Variants in BIRC6 observed in about 807,000 individuals in gnomAD.
The protein encoded by BIRC6 is baculoviral IAP repeat containing 6, also known as dual E2 ubiquitin-conjugating enzyme/E3 ubiquitin-protein ligase BIRC6.
BIRC6 carries 98 observed loss-of-function variants against 503.3 expected under a neutral mutation model. The ratio of observed to expected loss-of-function variants is 0.19; its 90% CI spans 0.17 to 0.23. The LOEUF (loss-of-function observed/expected upper bound fraction) is 0.23, where lower values mean the gene tolerates loss of function less well. BIRC6 is among the 10% of genes least tolerant of loss of function. The pLI is 1.00. For synonymous variants in BIRC6, 2,240 were observed against 2,078.7 expected (o/e 1.08, Z -2.11); for missense variants, 5,360 against 5,806.0 (o/e 0.92, Z 2.50).
At chr2:32,559,938 C>G (rs933122226) in intron 65 of BIRC6, among the ~76,000 whole-genome samples, 6 of 151,326 alleles carry the variant, frequency 4.0e-5, no homozygotes, top group Non-Finnish European at 8.8e-5. Context: ...ATTGCCTGAA[C>G]CCGGGAGGCG....
intron 66 of BIRC6, among the ~76,000 whole-genome samples, 195 bp from the exon 67 acceptor site, chr2:32,593,720 C>A (rs73922762): frequency 6.6e-6 from 1 of 152,106 alleles, no homozygotes; most frequent in Non-Finnish European, 1.5e-5. Context: ...TAATGTCTGT[C>A]TCTTCTCTGA....
intron 5 of BIRC6, among the ~76,000 whole-genome samples, chr2:32,394,866 A>C (rs1346339458): frequency 3.3e-5 from 5 of 151,796 alleles, no homozygotes; most frequent in African/African-American, 4.8e-5. Context: ...AAAAAACAAC[A>C]AGAGGCTGGG....
intron 1 of BIRC6, among the ~76,000 whole-genome samples, chr2:32,367,703 C>T (rs1213716958): frequency 6.6e-6 from 1 of 152,002 alleles, no homozygotes; most frequent in East Asian, 1.9e-4. Context: ...GTAATTCCAG[C>T]TACTCGGGAG....
intron 11 of BIRC6, 39 bp from the exon 12 acceptor site, chr2:32,430,826 T>TG: frequency 1.1e-6 from 1 of 939,276 alleles, no homozygotes; most frequent in Non-Finnish European, 1.6e-6. Flanking sequence ...TTTTTTTTTT[T>TG]CCACACCTAT....
At position 32,471,179 on chromosome 2, in the gene BIRC6, G is replaced by A. The variant is rs138052653; in HGVS notation, c.6592+55G>A. ...ATCAGAAGTTTATAATAATATGTTGGTGGGGATTTTGAGTGACTTCGCAGT... is the reference window on the plus strand; with the variant it reads ...ATCAGAAGTTTATAATAATATGTTGATGGGGATTTTGAGTGACTTCGCAGT... On this transcript the variant is annotated intron_variant, in intron 32 of 73. Coordinates refer to ENST00000421745, the MANE Select transcript of BIRC6 (RefSeq NM_016252.4). 3.2e-4 allele frequency: 497 copies of A among 1,540,204 alleles called. 3 individuals are homozygous for A. In the African/African-American group the frequency reaches 6.1e-3, roughly 19 times the overall value.
Position 32,361,088 on chromosome 2 carries a change from T to A in BIRC6, c.325+3602T>A, listed in dbSNP as rs200779143. ...GGTACACACCACCAGACCTGGCTAA[T>A]TTTTTTTATTTTTATTTTTTATTTT... is the stretch of plus-strand genomic sequence containing the variant. On this transcript the variant is annotated intron_variant, in intron 1 of 73. Coordinates refer to ENST00000421745, the MANE Select transcript of BIRC6 (RefSeq NM_016252.4). Among the ~76,000 whole-genome samples the A allele has an allele frequency of 7.2e-5, 11 of 151,804 alleles. No individual in the cohort carries two copies. In the East Asian group the frequency reaches 1.7e-3, roughly 24 times the overall value.
chr2:32,468,053 C>G lies in BIRC6; in HGVS notation c.5722C>G (p.Pro1908Ala). 6.2e-7 allele frequency: 1 copy of G among 1,613,838 alleles called. No individual in the cohort carries two copies. The highest frequency in any genetic ancestry group is 8.5e-7 in the Non-Finnish European group (1 of 1,179,846). ...LKGEGESANQ[P>A]EIDQHLAMMV... ...GGGAGAGGGAGAATCTGCAAACCAG[C>G]CAGAAATTGACCAGCATTTAGCAAT... is the stretch of plus-strand genomic sequence containing the variant. The change falls in exon 28 of 74, where the codon CCA becomes GCA. Residue 1908 changes from proline (P) to alanine (A), a missense_variant. Around this residue, in one of 16 missense-constraint regions of BIRC6, gnomAD observed 2,299 missense variants for 2,267.2 expected, o/e 1.01. Coordinates refer to ENST00000421745, the MANE Select transcript of BIRC6 (RefSeq NM_016252.4).
chr2:32,538,624 A>T (rs2057421439), intron 61 of BIRC6, among the ~76,000 whole-genome samples: 1 of 152,246 alleles, frequency 6.6e-6, no homozygotes, highest in African/African-American at 2.4e-5. Context: ...TTGATAGAAG[A>T]TCTCATCAAC....
chr2:32,493,765 C>CAAATAA lies in BIRC6; in HGVS notation c.8468+99_8468+104dup. ...CATTTGTTGGGAATTTATCTGTGAA[C>CAAATAA]AAATAAGCAGGAGGACGGTAGTAAT... On this transcript the variant is annotated intron_variant, in intron 45 of 73. Coordinates refer to ENST00000421745, the MANE Select transcript of BIRC6 (RefSeq NM_016252.4). The CAAATAA allele has an allele frequency of 3.0e-6, 3 of 1,008,430 alleles. No homozygotes were observed. The South Asian group carries it at 5.2e-5, about 17-fold the overall frequency. 62.5% of individuals were successfully genotyped at this position (1,008,430 alleles called of 1,614,324 possible). A position where few individuals can be genotyped will look rare whatever the true frequency, so the allele number is the denominator to read the frequency against.
intron 55 of BIRC6, among the ~76,000 whole-genome samples, chr2:32,516,094 GTACT>G (rs1325364873): frequency 6.6e-6 from 1 of 152,224 alleles, no homozygotes; most frequent in Non-Finnish European, 1.5e-5. Flanking sequence ...TGATCACTGA[GTACT>G]GTATGTGCCT....
chr2:32,617,256 C>G (rs2063306479), intron 73 of BIRC6, among the ~76,000 whole-genome samples: 1 of 152,090 alleles, frequency 6.6e-6, no homozygotes, highest in South Asian at 2.1e-4. Context: ...AAAAAATTAG[C>G]TGGTTGTGGT....
chr2:32,407,044 A>AAAAT (rs1238043282), intron 9 of BIRC6, among the ~76,000 whole-genome samples: 1 of 152,228 alleles, frequency 6.6e-6, no homozygotes, highest in Non-Finnish European at 1.5e-5. Context: ...AGTATGTTTC[A>AAAAT]AAATAGTTTT....
rs1198465589 is a variant in BIRC6 at position 32,578,601 on chromosome 2, G to A, written c.13355+3235G>A. Among the ~76,000 whole-genome samples, 15 of 151,936 alleles carry A rather than the reference G, an allele frequency of 9.9e-5. 1 individual carries two copies. Among genetic ancestry groups the A allele is most frequent in the Admixed American group, 9.8e-4 (15 of 15,234 alleles). On this transcript the variant is annotated intron_variant, in intron 66 of 73. Transcript: ENST00000421745. Reference sequence around the variant, plus strand: ...ACTTGAGGCCAGGAGTTCTAGACCAGCCTGTCCAACATAGCAAAACCCATC... The same window carrying A: ...ACTTGAGGCCAGGAGTTCTAGACCAACCTGTCCAACATAGCAAAACCCATC...
At chr2:32,514,783 C>T (rs986108917) in intron 54 of BIRC6, among the ~76,000 whole-genome samples, 6 of 152,080 alleles carry the variant, frequency 3.9e-5, no homozygotes, top group African/African-American at 9.7e-5. Context: ...ACTCAACTTG[C>T]ATTGTACCTA....
chr2:32,440,221 T>G (rs1474438707), intron 16 of BIRC6, among the ~76,000 whole-genome samples: 1 of 152,236 alleles, frequency 6.6e-6, no homozygotes, highest in East Asian at 1.9e-4. Context: ...TAATGTATAC[T>G]GAATAGGGAG....
At chr2:32,383,405 C>CT (rs894621425) in intron 3 of BIRC6, among the ~76,000 whole-genome samples, 82 of 152,146 alleles carry the variant, frequency 5.4e-4, no homozygotes, top group African/African-American at 1.7e-3. Context: ...TATCTAATTT[C>CT]TTTTTTTTGT....
intron 17 of BIRC6, among the ~76,000 whole-genome samples, chr2:32,441,853 T>C (rs1170341695): frequency 6.6e-6 from 1 of 152,174 alleles, no homozygotes; most frequent in Admixed American, 6.5e-5. Flanking sequence ...AAAGAAATTA[T>C]ACACATTCCA....
chr2:32,616,619 T>G (rs2063264051), intron 73 of BIRC6, among the ~76,000 whole-genome samples: 1 of 151,754 alleles, frequency 6.6e-6, no homozygotes, highest in African/African-American at 2.4e-5. Flanking sequence ...AGGTTTATTC[T>G]GAGCATTAAG....
intron 69 of BIRC6, among the ~76,000 whole-genome samples, chr2:32,598,255 A>C (rs1363493274): frequency 6.6e-6 from 1 of 151,440 alleles, no homozygotes; most frequent in East Asian, 2.0e-4. Context: ...GAGTGTGTGG[A>C]TCACGCTGCT....
Sources: allele counts gnomAD v4.1 joint callset (sites outside exome capture counted in the v4.1 genomes callset), GRCh38; gene constraint gnomAD v4.1.1; regional missense constraint gnomAD v4.1.1; transcripts MANE v1.5; gene names NCBI Gene and HGNC (gene_info 2026-07-23, HGNC 2026-07-21).